Variants in GFRA2 observed in about 807,000 individuals in gnomAD.
GFRA2 encodes the protein GDNF family receptor alpha-2.
Under a neutral mutation model 48.3 loss-of-function variants are expected in GFRA2, and 17 were observed. That is an observed-to-expected ratio of 0.35 (90% CI 0.24 to 0.53). The LOEUF (loss-of-function observed/expected upper bound fraction) is 0.53, where lower values mean the gene tolerates loss of function less well. GFRA2 is among the 20% of genes least tolerant of loss of function. The probability of loss-of-function intolerance (pLI) is 0.93; values close to 1 mark genes in which losing one functional copy is unlikely to be tolerated. For missense variants in GFRA2, 660 were observed against 637.3 expected (o/e 1.04, Z -0.38); for synonymous variants, 305 against 257.2 (o/e 1.19, Z -1.78).
chr8:21,794,804 A>G (rs1807639326), intron 2 of GFRA2, among the ~76,000 whole-genome samples: 1 of 152,106 alleles, frequency 6.6e-6, no homozygotes, highest in Non-Finnish European at 1.5e-5. Context: ...GAAGGAGCAC[A>G]CTAGTCTGGC....
At chr8:21,779,355 A>G (rs1488846618) in intron 2 of GFRA2, among the ~76,000 whole-genome samples, 1 of 152,316 alleles carries the variant, frequency 6.6e-6, no homozygotes, top group Admixed American at 6.5e-5. Flanking sequence ...GGCCTGATGC[A>G]GTGATACAGA....
intron 2 of GFRA2, among the ~76,000 whole-genome samples, chr8:21,782,249 C>T (rs952512043): frequency 3.3e-5 from 5 of 151,750 alleles, no homozygotes; most frequent in Admixed American, 2.0e-4. Context: ...GCTTGAATCA[C>T]GTGGTCTTGC....
intron 2 of GFRA2, among the ~76,000 whole-genome samples, chr8:21,778,809 C>T (rs1263720024): frequency 6.6e-6 from 1 of 152,090 alleles, no homozygotes; most frequent in Non-Finnish European, 1.5e-5. Context: ...GTCACTTCAG[C>T]CCAGAAACTT....
chr8:21,760,181 C>T (rs184533007), intron 3 of GFRA2, among the ~76,000 whole-genome samples: 51 of 152,204 alleles, frequency 3.4e-4, no homozygotes, highest in African/African-American at 1.1e-3. Flanking sequence ...GGAGACCTTG[C>T]GGGGCAGGTA....
intron 2 of GFRA2, 117 bp from the exon 3 acceptor site, chr8:21,775,172 A>G (rs1806634733): frequency 4.5e-6 from 3 of 668,870 alleles, no homozygotes; most frequent in South Asian, 1.7e-5. Flanking sequence ...CACCCAAAGG[A>G]TAAGAGACAG....
chr8:21,791,288 G>A (rs903098087), upstream of GFRA2, among the ~76,000 whole-genome samples: 6 of 152,086 alleles, frequency 3.9e-5, no homozygotes, highest in South Asian at 2.1e-4. Context: ...AGAGGATTCC[G>A]GTAGCAGGAG....
intron 3 of GFRA2, among the ~76,000 whole-genome samples, chr8:21,763,950 AACACACACACACACACAC>A (rs527247743): frequency 0.074 from 9,101 of 123,426 alleles, 474 homozygotes; most frequent in African/African-American, 0.12. Context: ...GTCACTAGGT[AACACACACACACACACAC>A]ACACACACAC....
intron 3 of GFRA2, among the ~76,000 whole-genome samples, chr8:21,774,057 C>T (rs7820267): frequency 0.011 from 1,710 of 152,256 alleles, 26 homozygotes; most frequent in African/African-American, 0.038. Context: ...TGCATGTAAA[C>T]GAGATTTCCT....
chr8:21,723,195 C>G (rs1454779845), intron 4 of GFRA2, among the ~76,000 whole-genome samples: 1 of 152,180 alleles, frequency 6.6e-6, no homozygotes, highest in Admixed American at 6.5e-5. Flanking sequence ...AAAGTTCTAA[C>G]ACCAAGCAAG....
chr8:21,788,786 G>T lies in GFRA2; in HGVS notation c.-627C>A, dbSNP rs1807415938. ...TTTTTCTAATGGAATTCCAGTGACC[G>T]TGTGTCTCTGCGTGCGTGTGTCTTT... On this transcript the variant is annotated 5_prime_UTR_variant, in exon 1 of 9. Coordinates refer to ENST00000524240, the MANE Select transcript of GFRA2 (RefSeq NM_001495.5). The T allele has an allele frequency of 1.0e-6, 1 of 985,274 alleles. No homozygotes were observed. Among genetic ancestry groups the T allele is most frequent in the Non-Finnish European group, 1.2e-6 (1 of 829,944 alleles). 61.0% of individuals were successfully genotyped at this position (985,274 alleles called of 1,614,324 possible).
chr8:21,784,428 T>C (rs1807165760), intron 1 of GFRA2: 1 of 436,010 alleles, frequency 2.3e-6, no homozygotes, highest in African/African-American at 2.0e-5. Flanking sequence ...CCCTCCTCAA[T>C]ACCGCAGAAT....
At chr8:21,706,665 C>T (rs1220663448) in intron 4 of GFRA2, among the ~76,000 whole-genome samples, 1 of 152,150 alleles carries the variant, frequency 6.6e-6, no homozygotes, top group African/African-American at 2.4e-5. Flanking sequence ...CTAGTCCCAC[C>T]AGGCAGAAGC....
chr8:21,761,967 T>TA (rs1204127043), intron 3 of GFRA2, among the ~76,000 whole-genome samples: 4 of 151,654 alleles, frequency 2.6e-5, no homozygotes, highest in East Asian at 1.9e-4. Context: ...ATTAAAAAAA[T>TA]TAAAAAAAGT....
At chr8:21,700,009 G>A (rs1802392305) in intron 7 of GFRA2, among the ~76,000 whole-genome samples, 1 of 152,212 alleles carries the variant, frequency 6.6e-6, no homozygotes, top group Admixed American at 6.5e-5. Flanking sequence ...GCAGGCGGAA[G>A]GCAACCTGGT....
At chr8:21,771,768 G>C (rs1806448533) in intron 3 of GFRA2, among the ~76,000 whole-genome samples, 1 of 152,122 alleles carries the variant, frequency 6.6e-6, no homozygotes, top group African/African-American at 2.4e-5. Flanking sequence ...GTCCCACCTG[G>C]AGGTAGTACA....
Position 21,750,148 on chromosome 8 carries a change from C to T in GFRA2, c.794+440G>A, listed in dbSNP as rs1410318280. On this transcript the variant is annotated intron_variant, in intron 4 of 8. Transcript: ENST00000524240. This position sits in a 1 kb window ranked among gnomAD's most constrained non-coding sequence, Gnocchi z 5.7. ...GTAGAGACTGAGTTTTGCTATGTTGCCCAGGATGGTCTCAAACTCCTGGCC... is the reference window on the plus strand; with the variant it reads ...GTAGAGACTGAGTTTTGCTATGTTGTCCAGGATGGTCTCAAACTCCTGGCC... Among the ~76,000 whole-genome samples, 1 of 150,614 alleles carries T rather than the reference C, an allele frequency of 6.6e-6. No homozygotes were observed. Among genetic ancestry groups the T allele is most frequent in the African/African-American group, 2.4e-5 (1 of 41,194 alleles).
intron 4 of GFRA2, among the ~76,000 whole-genome samples, chr8:21,730,633 C>T (rs961722450): frequency 1.3e-5 from 2 of 152,284 alleles, no homozygotes; most frequent in Admixed American, 1.3e-4. Context: ...ATCTCTCACA[C>T]ATACAAACGC....
At chr8:21,696,907 GA>G (rs1802205321) in intron 7 of GFRA2, among the ~76,000 whole-genome samples, 1 of 135,606 alleles carries the variant, frequency 7.4e-6, no homozygotes, top group African/African-American at 2.7e-5. Flanking sequence ...AGAGTGAGAG[GA>G]GAGGGGACAT....
At chr8:21,714,639 C>A (rs1199923017) in intron 4 of GFRA2, among the ~76,000 whole-genome samples, 1 of 152,120 alleles carries the variant, frequency 6.6e-6, no homozygotes, top group Non-Finnish European at 1.5e-5. Context: ...AGGGAGTTGA[C>A]ATTTACTGAG....
Sources: allele counts gnomAD v4.1 joint callset (sites outside exome capture counted in the v4.1 genomes callset), GRCh38; gene constraint gnomAD v4.1.1; non-coding constraint Gnocchi (gnomAD v3.1); transcripts MANE v1.5; gene names NCBI Gene and HGNC (gene_info 2026-07-23, HGNC 2026-07-21).